FGF12: variants seen among roughly 807,000 people sequenced by gnomAD.
FGF12 encodes fibroblast growth factor 12.
Under a neutral mutation model 23.6 loss-of-function variants are expected in FGF12, and 14 were observed. That is an observed-to-expected ratio of 0.59 (90% confidence interval 0.39 to 0.93). The LOEUF is 0.93. Ranked by LOEUF, FGF12 falls within the 40% of genes least tolerant of loss-of-function variation. The pLI is 0.00. For synonymous variants in FGF12, 62 were observed against 77.3 expected, an observed-to-expected ratio of 0.80 and a Z score of 1.04; for missense variants, 175 against 217.8, an observed-to-expected ratio of 0.80 and a Z score of 1.24.
rs188991907 is a variant in FGF12, at chr3:192,645,347, A to G, written c.13+81834T>C. ...AGATAGTGATGGTGGAAATAAAAAC[A>G]TATTAAATAAATGTTTAGGACACTT... On this transcript the variant is annotated intron_variant, in intron 2 of 5. Transcript: ENST00000445105. Among the ~76,000 whole-genome samples the G allele has an allele frequency of 2.0e-5, 3 of 152,316 alleles. No individual in the cohort carries two copies. In the East Asian group the frequency reaches 5.8e-4, roughly 29 times the overall value.
chr3:192,338,330 G>A lies in FGF12; in HGVS notation c.125-2866C>T, dbSNP rs561600995. On this transcript the variant is annotated intron_variant, in intron 3 of 5. Coordinates refer to ENST00000445105, the MANE Select transcript of FGF12 (RefSeq NM_004113.6). Reference sequence around the variant, plus strand: ...GAACTCCTGACCTTGTGATCCACCTGTCTCGGCCTCCCCTTTTTGTTCTTT... The same window carrying A: ...GAACTCCTGACCTTGTGATCCACCTATCTCGGCCTCCCCTTTTTGTTCTTT... Among the ~76,000 whole-genome samples the A allele has an allele frequency of 1.2e-4, 19 of 152,174 alleles. No individual in the cohort carries two copies. In the South Asian group the frequency reaches 3.9e-3, roughly 32 times the overall value.
In FGF12 at chr3:192,654,584, T is replaced by C. The variant is rs556502722; in HGVS notation, c.13+72597A>G. Among the ~76,000 whole-genome samples the C allele has an allele frequency of 7.9e-4, 120 of 152,316 alleles. 1 individual carries two copies. The highest frequency in any genetic ancestry group is 1.5e-3 in the Non-Finnish European group (104 of 68,018). On this transcript the variant is annotated intron_variant, in intron 2 of 5. Coordinates refer to ENST00000445105, the MANE Select transcript of FGF12 (RefSeq NM_004113.6). Reference sequence around the variant, plus strand: ...CTTTAAGAAGGGACACAACAAATGATAGCCGAGTTAAGGATTAGTCCCATT... The same window carrying C: ...CTTTAAGAAGGGACACAACAAATGACAGCCGAGTTAAGGATTAGTCCCATT...
intron 2 of FGF12, among the ~76,000 whole-genome samples, chr3:192,531,221 G>T (rs971620892): frequency 1.3e-5 from 2 of 152,228 alleles, no homozygotes; most frequent in African/African-American, 4.8e-5. Flanking sequence ...TTTCATTTCA[G>T]TTGTCCACTC....
chr3:192,648,332 G>T (rs1478026394), intron 2 of FGF12, among the ~76,000 whole-genome samples: 1 of 151,878 alleles, frequency 6.6e-6, no homozygotes, highest in South Asian at 2.1e-4. Flanking sequence ...TGATTTTGTT[G>T]GTTTTGTTGA....
intron 2 of FGF12, among the ~76,000 whole-genome samples, chr3:192,495,230 C>A (rs993273648): frequency 6.6e-6 from 1 of 152,078 alleles, no homozygotes; most frequent in Non-Finnish European, 1.5e-5. Context: ...AACCTAATAA[C>A]AAAGCTATAC....
chr3:192,671,791 ACAC>A (rs1717132101), intron 2 of FGF12, among the ~76,000 whole-genome samples: 1 of 151,918 alleles, frequency 6.6e-6, no homozygotes, highest in Non-Finnish European at 1.5e-5. Flanking sequence ...ACACACACAC[ACAC>A]ACACACACAT....
intron 4 of FGF12, among the ~76,000 whole-genome samples, chr3:192,256,520 A>C (rs1228360571): frequency 6.6e-6 from 1 of 151,908 alleles, no homozygotes; most frequent in Non-Finnish European, 1.5e-5. Context: ...TACTTTCTTT[A>C]GAAATGATGT....
chr3:192,304,452 CA>C (rs1715511823), intron 4 of FGF12, among the ~76,000 whole-genome samples: 1 of 152,150 alleles, frequency 6.6e-6, no homozygotes, highest in South Asian at 2.1e-4. Context: ...TAGTTCCTCA[CA>C]GGTCTGTCTA....
chr3:192,384,435 G>T (rs1303355549), intron 2 of FGF12, among the ~76,000 whole-genome samples: 1 of 152,094 alleles, frequency 6.6e-6, no homozygotes, highest in Admixed American at 6.5e-5. Flanking sequence ...AGGTGAGAGA[G>T]GATGAGATTT....
chr3:192,666,137 TAAC>T (rs978943133), intron 2 of FGF12, among the ~76,000 whole-genome samples: 1 of 152,216 alleles, frequency 6.6e-6, no homozygotes, highest in African/African-American at 2.4e-5. Context: ...CTCAATTTGA[TAAC>T]AATAAAATAA....
chr3:192,236,789 T>C (rs1318761729), intron 4 of FGF12, among the ~76,000 whole-genome samples: 1 of 152,190 alleles, frequency 6.6e-6, no homozygotes, highest in Non-Finnish European at 1.5e-5. Context: ...TTATACAACA[T>C]GACACTCTGT....
At chr3:192,521,999 C>G (rs1393635042) in intron 2 of FGF12, among the ~76,000 whole-genome samples, 9 of 152,102 alleles carry the variant, frequency 5.9e-5, no homozygotes. Context: ...GAGATTGAGA[C>G]CATCCTGGCT....
chr3:192,171,175 C>T (rs934204821), intron 4 of FGF12, among the ~76,000 whole-genome samples: 6 of 152,094 alleles, frequency 3.9e-5, no homozygotes, highest in Non-Finnish European at 8.8e-5. Context: ...TCTCTAATTT[C>T]CTTAAAACAT....
chr3:192,710,398 A>C (rs1302185676), intron 2 of FGF12, among the ~76,000 whole-genome samples: 1 of 152,220 alleles, frequency 6.6e-6, no homozygotes, highest in African/African-American at 2.4e-5. Flanking sequence ...GTGTGTTTAT[A>C]TGTTTTGCAT....
intron 2 of FGF12, among the ~76,000 whole-genome samples, chr3:192,425,951 A>G (rs1721676628): frequency 6.6e-6 from 1 of 152,244 alleles, no homozygotes; most frequent in African/African-American, 2.4e-5. Flanking sequence ...TTAAATGGAT[A>G]TAAATAGCAC....
chr3:192,169,285 G>A (rs1715407666), intron 5 of FGF12, among the ~76,000 whole-genome samples: 1 of 152,100 alleles, frequency 6.6e-6, no homozygotes, highest in South Asian at 2.1e-4. Context: ...AGGCTGCAGT[G>A]AGCCGAGATT....
rs145181303 is a variant in FGF12, at chr3:192,207,150, T to C, written c.229-36494A>G. 8.3e-4 allele frequency among the ~76,000 whole-genome samples: 127 copies of C among 152,346 alleles called. 2 individuals carry two copies. Among genetic ancestry groups the C allele is most frequent in the African/African-American group, 2.9e-3 (121 of 41,588 alleles). ...CCTTAGCATTTGAATATCCATCCAT[T>C]CATCAGTGAAACGAAAATAATACTT... On this transcript the variant is annotated intron_variant, in intron 4 of 5. Transcript: ENST00000445105.
intron 4 of FGF12, among the ~76,000 whole-genome samples, chr3:192,229,198 AT>A (rs1718894735): frequency 6.6e-6 from 1 of 152,030 alleles, no homozygotes; most frequent in Non-Finnish European, 1.5e-5. Context: ...TTGGAGGGCT[AT>A]GCACACAGAA....
At chr3:192,527,543 C>CGTT (rs1560140241) in intron 2 of FGF12, among the ~76,000 whole-genome samples, 4 of 152,098 alleles carry the variant, frequency 2.6e-5, no homozygotes, top group Non-Finnish European at 5.9e-5. Flanking sequence ...ACATTGTAAG[C>CGTT]ATTCAATATG....
Sources: gnomAD v4.1 joint callset for allele counts (sites outside exome capture counted in the v4.1 genomes callset) on GRCh38, gnomAD v4.1.1 for gene constraint, MANE v1.5 for transcripts, NCBI Gene and HGNC (gene_info 2026-07-23, HGNC 2026-07-21) for gene names.